Variants in DGKB observed in about 807,000 individuals in gnomAD.
The protein encoded by DGKB is 90 kDa diacylglycerol kinase.
Under a neutral mutation model 114.3 loss-of-function variants are expected in DGKB, and 67 were observed. The observed-to-expected ratio is 0.59, with a 90% CI of 0.48 to 0.72. DGKB has a LOEUF of 0.72. Ranked by LOEUF, DGKB falls within the 30% of genes least tolerant of loss-of-function variation. The pLI, the probability that DGKB is intolerant of heterozygous loss-of-function variation, is 0.00. For synonymous variants in DGKB, 398 were observed against 323.1 expected (o/e 1.23, Z -2.49); for missense variants, 907 against 975.2 (o/e 0.93, Z 0.93).
chr7:14,436,400 T>C (rs1011230042), intron 21 of DGKB, among the ~76,000 whole-genome samples: 3 of 152,126 alleles, frequency 2.0e-5, no homozygotes, highest in Admixed American at 6.6e-5. Flanking sequence ...AAGACTTTGA[T>C]TGACTTGCCA....
intron 23 of DGKB, among the ~76,000 whole-genome samples, chr7:14,232,855 G>A (rs1326610270): frequency 6.6e-6 from 1 of 152,022 alleles, no homozygotes. Flanking sequence ...TGATGAATCT[G>A]TCTGTTTTAG....
At chr7:14,907,811 AT>A (rs1783787922), upstream of DGKB, among the ~76,000 whole-genome samples, 1 of 152,190 alleles carries the variant, frequency 6.6e-6, no homozygotes, top group Non-Finnish European at 1.5e-5. Context: ...GGTACCTGGT[AT>A]TATAAAGTGG....
intron 13 of DGKB, among the ~76,000 whole-genome samples, chr7:14,671,168 G>C (rs549271409): frequency 1.3e-5 from 2 of 152,180 alleles, no homozygotes; most frequent in African/African-American, 2.4e-5. Context: ...TACTAAGAGA[G>C]GAATGCCATG....
chr7:14,736,031 G>A lies in DGKB; in HGVS notation c.322+10C>T, dbSNP rs369961310. The A allele has an allele frequency of 3.2e-6, 5 of 1,552,970 alleles. No individual in the cohort carries two copies. The highest frequency in any genetic ancestry group is 1.7e-4 in the Middle Eastern group (1 of 5,870). ...TGTACTATATAAATGTTTAAAGTAA[G>A]TAAACTTACCGCCTGATAGGAGAGC... is the stretch of plus-strand genomic sequence containing the variant. On this transcript the variant is annotated intron_variant, in intron 5 of 25. Transcript: ENST00000402815.
intron 20 of DGKB, among the ~76,000 whole-genome samples, chr7:14,540,408 A>AACAAAAGTTCATGGCCCAAATT (rs1452783055): frequency 1.3e-4 from 20 of 152,158 alleles, no homozygotes; most frequent in Non-Finnish European, 2.8e-4. Flanking sequence ...TTGAAAATTA[A>AACAAAAGTTCATGGCCCAAATT]ACAAAAGTTC....
chr7:14,645,753 AG>A (rs1222933726), intron 13 of DGKB, among the ~76,000 whole-genome samples: 2 of 152,132 alleles, frequency 1.3e-5, no homozygotes, highest in Non-Finnish European at 2.9e-5. Context: ...GCTATCTTAA[AG>A]AAATAAAGAG....
At chr7:14,446,580 A>G (rs1370626332) in intron 21 of DGKB, among the ~76,000 whole-genome samples, 2 of 152,156 alleles carry the variant, frequency 1.3e-5, no homozygotes, top group African/African-American at 4.8e-5. Flanking sequence ...TTGAATGGTA[A>G]TGTACTCAAC....
chr7:14,734,689 T>A (rs1831444428), intron 5 of DGKB, among the ~76,000 whole-genome samples: 1 of 152,238 alleles, frequency 6.6e-6, no homozygotes, highest in Non-Finnish European at 1.5e-5. Flanking sequence ...TTATTTTTCA[T>A]AATAATGGGT....
chr7:14,314,536 T>C (rs1182115744), intron 23 of DGKB, among the ~76,000 whole-genome samples: 1 of 151,650 alleles, frequency 6.6e-6, no homozygotes, highest in Non-Finnish European at 1.5e-5. Context: ...GTATCAGCAA[T>C]GGAAGATGAA....
chr7:14,903,776 G>T (rs1783484053), upstream of DGKB, among the ~76,000 whole-genome samples: 1 of 152,098 alleles, frequency 6.6e-6, no homozygotes, highest in South Asian at 2.1e-4. Context: ...AGTGTATTAG[G>T]GTAAGAAAAA....
chr7:14,746,691 G>A (rs547401773), intron 4 of DGKB, among the ~76,000 whole-genome samples: 2 of 152,102 alleles, frequency 1.3e-5, no homozygotes, highest in African/African-American at 4.8e-5. Context: ...TAGAGACAGG[G>A]TTTCACCATG....
At chr7:14,658,745 T>C (rs1434013762) in intron 13 of DGKB, among the ~76,000 whole-genome samples, 1 of 151,752 alleles carries the variant, frequency 6.6e-6, no homozygotes, top group Non-Finnish European at 1.5e-5. Context: ...ATAATTTTAA[T>C]AAATATGATT....
intron 20 of DGKB, among the ~76,000 whole-genome samples, chr7:14,553,567 T>C (rs1166101117): frequency 6.6e-6 from 1 of 152,160 alleles, no homozygotes; most frequent in East Asian, 1.9e-4. Flanking sequence ...CCACATCCAA[T>C]CGCAAATCAT....
At chr7:14,789,288 T>C (rs761229393) in intron 2 of DGKB, among the ~76,000 whole-genome samples, 8 of 152,138 alleles carry the variant, frequency 5.3e-5, no homozygotes, top group Admixed American at 1.3e-4. Flanking sequence ...TGCTGCCCTT[T>C]AGTAATCATA....
intron 1 of DGKB, among the ~76,000 whole-genome samples, chr7:14,873,366 T>C (rs1852774502): frequency 6.6e-6 from 1 of 152,104 alleles, no homozygotes; most frequent in South Asian, 2.1e-4. Flanking sequence ...GATAATAGCC[T>C]GTTTAATAGT....
intron 17 of DGKB, among the ~76,000 whole-genome samples, chr7:14,595,869 C>G (rs981537665): frequency 2.6e-5 from 4 of 151,990 alleles, no homozygotes; most frequent in Non-Finnish European, 4.4e-5. Context: ...CTTAGCTTCA[C>G]AAGTCATCAT....
intron 21 of DGKB, among the ~76,000 whole-genome samples, chr7:14,450,051 A>G (rs368458865): frequency 9.9e-5 from 15 of 151,992 alleles, no homozygotes; most frequent in African/African-American, 3.4e-4. Context: ...TTTTGATTTT[A>G]TGATATTTTG....
intron 13 of DGKB, among the ~76,000 whole-genome samples, chr7:14,655,583 C>T (rs1372802702): frequency 1.3e-5 from 2 of 151,572 alleles, no homozygotes; most frequent in Non-Finnish European, 1.5e-5. Context: ...ACATCTTCAC[C>T]CCCATGTTTA....
chr7:14,148,183 CATA>C lies in DGKB; in HGVS notation c.*945_*947del, dbSNP rs1289796758. ...GTCTGTGAAAGGTGAGAATTTTAAT[CATA>C]ATTAATGGGCAACTCACTCGCTTTC... On this transcript the variant is annotated 3_prime_UTR_variant, in exon 26 of 26. Transcript: ENST00000402815. 3.9e-5 allele frequency: 6 copies of C among 152,574 alleles called. No homozygotes were observed. Among genetic ancestry groups the C allele is most frequent in the African/African-American group, 1.4e-4 (6 of 41,436 alleles). The allele number at this position is 152,574 out of a possible 1,614,324, so 9.5% of individuals were successfully genotyped here.
Sources: gnomAD v4.1 joint callset for allele counts (sites outside exome capture counted in the v4.1 genomes callset) on GRCh38, gnomAD v4.1.1 for gene constraint, MANE v1.5 for transcripts, NCBI Gene and HGNC (gene_info 2026-07-23, HGNC 2026-07-21) for gene names.